The following MROH2A variants were observed in gnomAD, a reference collection of about 807,000 sequenced individuals.
MROH2A encodes maestro heat-like repeat-containing protein family member 2A.
MROH2A carries 174 observed loss-of-function variants against 200.4 expected under a neutral mutation model. That is an observed-to-expected ratio of 0.87 (90% confidence interval 0.77 to 0.98). MROH2A has a LOEUF of 0.98. Among genes scored for constraint, MROH2A ranks in the 50% least tolerant of loss-of-function variants. The probability of loss-of-function intolerance (pLI) is 0.00; values close to 1 mark genes in which losing one functional copy is unlikely to be tolerated. For synonymous variants in MROH2A, 829 were observed against 840.4 expected, an observed-to-expected ratio of 0.99 and a Z score of 0.23; for missense variants, 2,045 against 2,139.6, an observed-to-expected ratio of 0.96 and a Z score of 0.87.
At chr2:233,780,450 C>G (rs1431268511) in intron 3 of MROH2A, among the ~76,000 whole-genome samples, 1 of 152,124 alleles carries the variant, frequency 6.6e-6, no homozygotes, top group Non-Finnish European at 1.5e-5. Context: ...ATCTGGAGAG[C>G]CTACTTTGAG....
chr2:233,801,759 G>A (rs969295279), intron 14 of MROH2A, among the ~76,000 whole-genome samples: 3 of 152,152 alleles, frequency 2.0e-5, no homozygotes, highest in Non-Finnish European at 4.4e-5. Flanking sequence ...AGGTACAGTC[G>A]CCTAGCCAAG....
In MROH2A at chr2:233,798,862, G is replaced by A; in HGVS notation, c.1329+12G>A. On this transcript the variant is annotated intron_variant, in intron 12 of 41. Transcript: ENST00000389758. The stretch of plus-strand genomic sequence containing the variant: ...ATACCCGGTCCAAGGTAACAGGGCA[G>A]AGACCTGGAAATGGGGGGCACTCAG... 6.5e-7 allele frequency: 1 copy of A among 1,549,040 alleles called. No homozygotes were observed. Among genetic ancestry groups the A allele is most frequent in the Non-Finnish European group, 8.7e-7 (1 of 1,145,660 alleles).
rs1217274283 is a variant in MROH2A at position 233,802,256 on chromosome 2, C to A, written c.1649C>A (p.Ala550Glu). The change falls in exon 15 of 42, where the codon GCA becomes GAA. Residue 550 changes from alanine (A) to glutamate (E), a missense_variant. Physicochemically the swap from Ala to Glu is moderately radical, Grantham distance 107. Transcript: ENST00000389758. ...ATCTGTATCAGCCTCACAAACCTGG[C>A]AGAACACCAGCTCCATGGCCAGGAT... ...TPICISLTNL[A>E]EHQLHGQDVD... is the part of the protein sequence containing the mutation. 1 of 1,550,424 alleles carries A rather than the reference C, an allele frequency of 6.4e-7. No individual in the cohort carries two copies. Among genetic ancestry groups the A allele is most frequent in the African/African-American group, 1.4e-5 (1 of 73,026 alleles).
At chr2:233,785,019 G>A (rs761434140) in intron 3 of MROH2A, among the ~76,000 whole-genome samples, 96 of 152,140 alleles carry the variant, frequency 6.3e-4, no homozygotes, top group African/African-American at 1.6e-3. Context: ...GGTGGTGCAC[G>A]CCTGTAATCC....
At chr2:233,806,609 G>A (rs1702804464) in intron 19 of MROH2A, among the ~76,000 whole-genome samples, 1 of 152,106 alleles carries the variant, frequency 6.6e-6, no homozygotes, top group South Asian at 2.1e-4. Context: ...ACTTCTCACT[G>A]ATCATGACGT....
rs144621281 is a variant in MROH2A, at chr2:233,786,604, A to G, written c.277-2893A>G. Among the ~76,000 whole-genome samples the G allele has an allele frequency of 7.5e-3, 1,146 of 152,312 alleles. 7 individuals are homozygous for G. Among genetic ancestry groups the G allele is most frequent in the South Asian group, 0.013 (62 of 4,828 alleles). On this transcript the variant is annotated intron_variant, in intron 3 of 41. Coordinates refer to ENST00000389758, the MANE Select transcript of MROH2A (RefSeq NM_001394639.1). ...ATTCAATCTGTAACAGTTGTTTTGT[A>G]CTTAAAAAGCATGCTGATGGACAAC...
intron 7 of MROH2A, 110 bp downstream of exon 7, chr2:233,793,934 C>A (rs1701947217): frequency 2.7e-6 from 3 of 1,117,348 alleles, no homozygotes; most frequent in Non-Finnish European, 3.6e-6. Flanking sequence ...ACTCCCAGGA[C>A]CCTAGAGGGC....
At position 233,803,505 on chromosome 2, in the gene MROH2A, C is replaced by A; in HGVS notation, c.1749+17C>A. 1 of 1,550,220 alleles carries A rather than the reference C, an allele frequency of 6.5e-7. No individual in the cohort carries two copies. Among genetic ancestry groups the A allele is most frequent in the Non-Finnish European group, 8.7e-7 (1 of 1,146,914 alleles). On this transcript the variant is annotated intron_variant, in intron 16 of 41. Coordinates refer to ENST00000389758, the MANE Select transcript of MROH2A (RefSeq NM_001394639.1). ...CGTCTCCTGGTGAGTGGCTGACCTG[C>A]ACCATGCCCTGGCCTGGCAAGGCCA...
chr2:233,801,231 G>T (rs953500554), intron 14 of MROH2A, among the ~76,000 whole-genome samples: 1 of 151,854 alleles, frequency 6.6e-6, no homozygotes, highest in Non-Finnish European at 1.5e-5. Context: ...CCAGGAACTG[G>T]GAGATTCTAG....
At chr2:233,811,057 C>A in intron 23 of MROH2A, 141 bp downstream of exon 23, 1 of 937,236 alleles carries the variant, frequency 1.1e-6, no homozygotes, top group Non-Finnish European at 1.6e-6. Context: ...TTTGTCCTAA[C>A]TGTAGGAGTT....
At chr2:233,805,980 TA>T (rs1702768892) in intron 19 of MROH2A, among the ~76,000 whole-genome samples, 1 of 152,108 alleles carries the variant, frequency 6.6e-6, no homozygotes, top group Non-Finnish European at 1.5e-5. Flanking sequence ...AAACACAGGA[TA>T]AATCTTGTGA....
At chr2:233,826,659 T>C (rs1431310974) in intron 35 of MROH2A, among the ~76,000 whole-genome samples, 1 of 152,176 alleles carries the variant, frequency 6.6e-6, no homozygotes. Context: ...GACATGGGCA[T>C]GGACAAACAT....
In MROH2A at chr2:233,804,133, C is replaced by T; in HGVS notation, c.1832C>T (p.Ala611Val). The T allele has an allele frequency of 6.4e-7, 1 of 1,550,576 alleles. No individual in the cohort carries two copies. Among genetic ancestry groups the T allele is most frequent in the South Asian group, 1.2e-5 (1 of 84,060 alleles). The change falls in exon 17 of 42, where the codon GCA becomes GTA. Residue 611 changes from alanine (A) to valine (V), a missense_variant. Around this residue, in one of 3 missense-constraint regions of MROH2A, gnomAD observed 831 missense variants for 800.0 expected, o/e 1.04. Coordinates refer to ENST00000389758, the MANE Select transcript of MROH2A (RefSeq NM_001394639.1). ...TTGAGGACCCTGAGCCAGAGCATCGCACCCTCCATGGCCGACATGTGGGAG... is the reference window on the plus strand; with the variant it reads ...TTGAGGACCCTGAGCCAGAGCATCGTACCCTCCATGGCCGACATGTGGGAG... ...NLLRTLSQSIAPSMADMWELE... is the reference protein window; with the variant it reads ...NLLRTLSQSIVPSMADMWELE...
At position 233,833,235 on chromosome 2, in the gene MROH2A, G is replaced by C. The variant is rs1327511617; in HGVS notation, c.5001G>C (p.Leu1667=). 2 of 1,549,910 alleles carry C rather than the reference G, an allele frequency of 1.3e-6. No individual in the cohort carries two copies. Among genetic ancestry groups the C allele is most frequent in the South Asian group, 1.2e-5 (1 of 83,932 alleles). ...ATAGCTGTAGTCAGCATGGGTTTCT[G>C]GCTTCACCCCAAGGAATGTCCTAGG... The part of the protein sequence containing the change: ...VLDSCSQHGF[L]ASPQGMS The change falls in exon 42 of 42, where the codon CTG becomes CTC. Residue 1667 remains leucine, a synonymous_variant. Coordinates refer to ENST00000389758, the MANE Select transcript of MROH2A (RefSeq NM_001394639.1).
chr2:233,829,109 GA>G (rs1404199214), intron 37 of MROH2A, 37 bp downstream of exon 37: 1 of 1,468,328 alleles, frequency 6.8e-7, no homozygotes, highest in Admixed American at 2.5e-5. Flanking sequence ...CTTGCTCAGT[GA>G]AGGAGGGGCA....
intron 3 of MROH2A, among the ~76,000 whole-genome samples, chr2:233,780,211 G>A (rs2126077679): frequency 6.6e-6 from 1 of 152,346 alleles, no homozygotes; most frequent in Non-Finnish European, 1.5e-5. Flanking sequence ...GGCTGGGGTA[G>A]AGGATGTTGG....
At position 233,820,068 on chromosome 2, in the gene MROH2A, G is replaced by T; in HGVS notation, c.3512+12G>T. On this transcript the variant is annotated intron_variant, in intron 31 of 41. Coordinates refer to ENST00000389758, the MANE Select transcript of MROH2A (RefSeq NM_001394639.1). This position sits in a 1 kb window ranked among gnomAD's most constrained non-coding sequence, Gnocchi z 4.1. ...CTGCCCATGGAGAGGTGGGTGCCCTGGAGGAGGTGGCCCCGGCCTCCTGTG... is the reference window on the plus strand; with the variant it reads ...CTGCCCATGGAGAGGTGGGTGCCCTTGAGGAGGTGGCCCCGGCCTCCTGTG... 1 of 1,499,816 alleles carries T rather than the reference G, an allele frequency of 6.7e-7. No homozygotes were observed. Among genetic ancestry groups the T allele is most frequent in the Non-Finnish European group, 9.0e-7 (1 of 1,116,262 alleles). The allele number at this position is 1,499,816 out of a possible 1,614,324, so 92.9% of individuals were successfully genotyped here.
At position 233,822,557 on chromosome 2, in the gene MROH2A, G is replaced by A; in HGVS notation, c.3866+1G>A. The A allele has an allele frequency of 6.5e-7, 1 of 1,548,570 alleles. No individual in the cohort carries two copies. The highest frequency in any genetic ancestry group is 8.7e-7 in the Non-Finnish European group (1 of 1,146,854). ...TGCCGGAGGAGATGAACCTGCAAAG[G>A]TGCTCTCGAGGGCGGTGGGTGCAAG... On this transcript the variant is annotated splice_donor_variant, in intron 33 of 41. Coordinates refer to ENST00000389758, the MANE Select transcript of MROH2A (RefSeq NM_001394639.1). LOFTEE classifies it high-confidence loss of function.
At chr2:233,791,186 C>G (rs973464100) in intron 5 of MROH2A, among the ~76,000 whole-genome samples, 1 of 152,132 alleles carries the variant, frequency 6.6e-6, no homozygotes, top group Non-Finnish European at 1.5e-5. Context: ...AGGAAGCTAT[C>G]GAAGGACATT....
Sources: allele counts gnomAD v4.1 joint callset (sites outside exome capture counted in the v4.1 genomes callset), GRCh38; gene constraint gnomAD v4.1.1; regional missense constraint gnomAD v4.1.1; non-coding constraint Gnocchi (gnomAD v3.1); transcripts MANE v1.5; gene names NCBI Gene and HGNC (gene_info 2026-07-23, HGNC 2026-07-21).